C8orf34: variants seen among roughly 807,000 people sequenced by gnomAD.
The protein encoded by C8orf34 is chromosome 8 open reading frame 34, also known as uncharacterized protein C8orf34.
C8orf34 carries 65 observed loss-of-function variants against 68.3 expected under a neutral mutation model. The ratio of observed to expected loss-of-function variants is 0.95; its 90% CI spans 0.78 to 1.17. C8orf34 has a LOEUF of 1.17. C8orf34 is among the 50% of genes most tolerant of loss of function. C8orf34 has a pLI of 0.00. For missense variants in C8orf34, 664 were observed against 655.4 expected (o/e 1.01, Z -0.14); for synonymous variants, 244 against 241.2 (o/e 1.01, Z -0.11).
At chr8:68,455,803 T>A (rs1033226156) in intron 3 of C8orf34, among the ~76,000 whole-genome samples, 2 of 152,078 alleles carry the variant, frequency 1.3e-5, no homozygotes, top group African/African-American at 4.8e-5. Context: ...AACTAAAATA[T>A]TGCCTGGAAT....
At chr8:68,763,901 G>C (rs757617818) in intron 10 of C8orf34, among the ~76,000 whole-genome samples, 25 of 152,272 alleles carry the variant, frequency 1.6e-4, no homozygotes, top group South Asian at 6.2e-4. Context: ...CCTCCCCATG[G>C]ATGAGGAGTC....
At chr8:68,443,382 T>G (rs539215387) in intron 2 of C8orf34, among the ~76,000 whole-genome samples, 26 of 152,180 alleles carry the variant, frequency 1.7e-4, no homozygotes, top group African/African-American at 6.0e-4. Context: ...GAATTCTTGA[T>G]TTTGGTGAAT....
At chr8:68,385,730 A>G (rs1211637321) in intron 1 of C8orf34, among the ~76,000 whole-genome samples, 1 of 152,132 alleles carries the variant, frequency 6.6e-6, no homozygotes, top group Non-Finnish European at 1.5e-5. Context: ...GAAATGTGGA[A>G]TTAGTGATAG....
chr8:68,793,291 G>A (rs1824068400), intron 12 of C8orf34, among the ~76,000 whole-genome samples: 1 of 152,176 alleles, frequency 6.6e-6, no homozygotes. Context: ...AAGGCTGAGA[G>A]TAAATCTTGT....
At chr8:68,585,309 A>AAAAACCG (rs1817177529) in intron 7 of C8orf34, among the ~76,000 whole-genome samples, 1 of 142,426 alleles carries the variant, frequency 7.0e-6, no homozygotes, top group South Asian at 2.1e-4. Flanking sequence ...ACCAAAAACC[A>AAAAACCG]AAAAAAAGCT....
intron 8 of C8orf34, among the ~76,000 whole-genome samples, chr8:68,655,168 T>C (rs1563588707): frequency 1.3e-5 from 2 of 152,148 alleles, no homozygotes; most frequent in African/African-American, 2.4e-5. Context: ...TAATTAGGTA[T>C]TTACATATTC....
chr8:68,366,696 T>A (rs1315363460), intron 1 of C8orf34, among the ~76,000 whole-genome samples: 3 of 145,056 alleles, frequency 2.1e-5, no homozygotes, highest in Non-Finnish European at 4.5e-5. Flanking sequence ...GCTAGCCATA[T>A]GTAGAAAGCT....
chr8:68,344,965 A>C (rs1161946531), intron 1 of C8orf34, among the ~76,000 whole-genome samples: 1 of 152,108 alleles, frequency 6.6e-6, no homozygotes, highest in Non-Finnish European at 1.5e-5. Flanking sequence ...CATAATACCA[A>C]AAGTAAGTAA....
At chr8:68,389,917 C>T (rs2129620577) in intron 1 of C8orf34, among the ~76,000 whole-genome samples, 1 of 152,174 alleles carries the variant, frequency 6.6e-6, no homozygotes, top group South Asian at 2.1e-4. Flanking sequence ...CTAACGATGA[C>T]CACTTTTCTT....
intron 10 of C8orf34, among the ~76,000 whole-genome samples, chr8:68,741,420 T>C (rs1178458368): frequency 6.6e-6 from 1 of 152,180 alleles, no homozygotes; most frequent in Non-Finnish European, 1.5e-5. Flanking sequence ...ACCATCAGGG[T>C]AAATGGGGTA....
intron 7 of C8orf34, among the ~76,000 whole-genome samples, chr8:68,608,580 C>T (rs2380483): frequency 1.3e-5 from 2 of 150,504 alleles, no homozygotes; most frequent in East Asian, 2.0e-4. Flanking sequence ...GATCATAGGC[C>T]GAAGCAGGGA....
intron 8 of C8orf34, among the ~76,000 whole-genome samples, chr8:68,681,966 A>T (rs1035898384): frequency 6.6e-6 from 1 of 152,196 alleles, no homozygotes; most frequent in African/African-American, 2.4e-5. Context: ...TAAAAATTAA[A>T]ATAATTGAAT....
chr8:68,690,774 CA>C (rs1820664725), intron 8 of C8orf34, among the ~76,000 whole-genome samples: 1 of 151,998 alleles, frequency 6.6e-6, no homozygotes, highest in Non-Finnish European at 1.5e-5. Flanking sequence ...AATGAAGACT[CA>C]AAGAAGTATC....
chr8:68,450,787 T>C (rs1811308979), intron 3 of C8orf34, among the ~76,000 whole-genome samples: 2 of 152,100 alleles, frequency 1.3e-5, no homozygotes, highest in African/African-American at 4.8e-5. Flanking sequence ...AGAGTAGATA[T>C]AGCATAATTC....
At chr8:68,415,308 T>C (rs1036317827) in intron 1 of C8orf34, among the ~76,000 whole-genome samples, 1 of 152,068 alleles carries the variant, frequency 6.6e-6, no homozygotes, top group Non-Finnish European at 1.5e-5. Context: ...GTCAAAACCC[T>C]GTCTCTACTA....
chr8:68,431,332 A>G lies in C8orf34; in HGVS notation c.328-8167A>G, dbSNP rs573869738. Among the ~76,000 whole-genome samples, 13 of 152,308 alleles carry G rather than the reference A, an allele frequency of 8.5e-5. No homozygotes were observed. In the South Asian group the frequency reaches 2.7e-3, roughly 32 times the overall value. On this transcript the variant is annotated intron_variant, in intron 1 of 13. Coordinates refer to ENST00000518698, the MANE Select transcript of C8orf34 (RefSeq NM_052958.4). ...AAATAAAGTAATTTTTATTGAACTG[A>G]AAGACATTTTCTTTTTTATGGGAAC...
chr8:68,690,380 CA>C (rs1820651092), intron 8 of C8orf34, among the ~76,000 whole-genome samples: 1 of 151,940 alleles, frequency 6.6e-6, no homozygotes, highest in Non-Finnish European at 1.5e-5. Context: ...ATAAGTTTGA[CA>C]TATGTCTTAG....
At chr8:68,417,390 T>A (rs1193878050) in intron 1 of C8orf34, among the ~76,000 whole-genome samples, 1 of 152,000 alleles carries the variant, frequency 6.6e-6, no homozygotes, top group Non-Finnish European at 1.5e-5. Flanking sequence ...TAGACACTAA[T>A]TTTAGTGTCT....
chr8:68,360,869 T>G (rs1563376312), intron 1 of C8orf34, among the ~76,000 whole-genome samples: 1 of 151,190 alleles, frequency 6.6e-6, no homozygotes, highest in Non-Finnish European at 1.5e-5. Flanking sequence ...TCTCATGCCT[T>G]AGCCTCCCGA....
Sources: allele counts gnomAD v4.1 joint callset (sites outside exome capture counted in the v4.1 genomes callset), GRCh38; gene constraint gnomAD v4.1.1; transcripts MANE v1.5; gene names NCBI Gene and HGNC (gene_info 2026-07-23, HGNC 2026-07-21).